The following NAV3 variants were observed in gnomAD, a reference collection of about 807,000 sequenced individuals.
NAV3 encodes pore membrane and/or filament interacting like protein 1.
In NAV3, 87 loss-of-function variants were observed where a neutral mutation model predicts 244.7. The observed-to-expected ratio is 0.36, with a 90% CI of 0.30 to 0.42. NAV3 has a LOEUF of 0.42. NAV3 is among the 20% of genes least tolerant of loss of function. NAV3 has a pLI of 1.00. For missense variants in NAV3, 2,663 were observed against 2,893.3 expected, an observed-to-expected ratio of 0.92 and a Z score of 1.83; for synonymous variants, 1,126 against 1,042.2, an observed-to-expected ratio of 1.08 and a Z score of -1.55.
intron 2 of NAV3, among the ~76,000 whole-genome samples, chr12:77,714,924 T>C (rs1876293638): frequency 6.6e-6 from 1 of 152,084 alleles, no homozygotes; most frequent in African/African-American, 2.4e-5. Context: ...ATTCACGAAG[T>C]ACCTTTACTT....
intron 1 of NAV3, among the ~76,000 whole-genome samples, chr12:77,903,459 G>C (rs1310131516): frequency 6.6e-6 from 1 of 152,072 alleles, no homozygotes; most frequent in Non-Finnish European, 1.5e-5. Flanking sequence ...AGCTGAAACT[G>C]GATCCCTTCC....
At chr12:77,929,423 A>G (rs1184848074) in intron 1 of NAV3, among the ~76,000 whole-genome samples, 8 of 152,116 alleles carry the variant, frequency 5.3e-5, no homozygotes, top group Non-Finnish European at 7.4e-5. Context: ...GTCTTTATTG[A>G]GTGTCTACTA....
chr12:77,982,082 T>C (rs148119813), intron 5 of NAV3, among the ~76,000 whole-genome samples: 7 of 152,326 alleles, frequency 4.6e-5, no homozygotes, highest in African/African-American at 1.7e-4. Context: ...CTGTTTTGCT[T>C]TGATAAATAT....
rs1056614831 is a variant in NAV3 at position 77,835,442 on chromosome 12, T to C, written c.243+3738T>C. Among the ~76,000 whole-genome samples the C allele has an allele frequency of 3.3e-5, 5 of 152,314 alleles. No individual in the cohort carries two copies. In the East Asian group the frequency reaches 9.7e-4, roughly 29 times the overall value. On this transcript the variant is annotated intron_variant, in intron 1 of 39. Transcript: ENST00000397909. ...ATGATCTGGTTTGAGAGAACAAATT[T>C]ACATATGACAGTGTCAGAAATGTGT... is the stretch of plus-strand genomic sequence containing the variant.
At chr12:77,996,182 T>A (rs1460740674) in intron 6 of NAV3, among the ~76,000 whole-genome samples, 1 of 152,222 alleles carries the variant, frequency 6.6e-6, no homozygotes, top group African/African-American at 2.4e-5. Context: ...TGTTTATGTG[T>A]GTGAGTTTGG....
At chr12:78,170,881 G>A (rs7975770) in intron 24 of NAV3, among the ~76,000 whole-genome samples, 16,876 of 151,634 alleles carry the variant, frequency 0.11, 1,137 homozygotes, top group South Asian at 0.19. Flanking sequence ...GTTTCTGGAA[G>A]CAGCAATACT....
Position 77,831,266 on chromosome 12 carries a change from A to C in NAV3, c.-196A>C, listed in dbSNP as rs1873646983. The C allele has an allele frequency of 5.8e-6, 3 of 519,870 alleles. No homozygotes were observed. The South Asian group carries it at 9.2e-5, about 16-fold the overall frequency. The allele number at this position is 519,870 out of a possible 1,614,324, so 32.2% of individuals were successfully genotyped here. A position where few individuals can be genotyped will look rare whatever the true frequency, so the allele number is the denominator to read the frequency against. On this transcript the variant is annotated 5_prime_UTR_variant, in exon 1 of 40. Coordinates refer to ENST00000397909, the MANE Select transcript of NAV3 (RefSeq NM_001024383.2). ...GAATGAATATGAATCCCAGCCAGCAAGAAAGAAAAGATACTTAACTAAAGA... is the reference window on the plus strand; with the variant it reads ...GAATGAATATGAATCCCAGCCAGCACGAAAGAAAAGATACTTAACTAAAGA...
At chr12:77,652,986 T>G (rs1045512260) in intron 2 of NAV3, among the ~76,000 whole-genome samples, 2 of 152,208 alleles carry the variant, frequency 1.3e-5, no homozygotes, top group African/African-American at 4.8e-5. Flanking sequence ...TCAATGGATG[T>G]TAATAGGGTT....
intron 2 of NAV3, among the ~76,000 whole-genome samples, chr12:77,699,155 TTGCAGGAC>T (rs1175250994): frequency 6.6e-6 from 1 of 152,116 alleles, no homozygotes; most frequent in African/African-American, 2.4e-5. Context: ...CCTAAGAATC[TTGCAGGAC>T]ATGAAGCAAT....
intron 2 of NAV3, among the ~76,000 whole-genome samples, chr12:77,577,402 G>T (rs948633108): frequency 6.6e-6 from 1 of 151,898 alleles, no homozygotes; most frequent in East Asian, 1.9e-4. Flanking sequence ...TTCATATGGC[G>T]GCCTTTTTGC....
In NAV3 at chr12:77,876,869, T is replaced by G. The variant is rs187561077; in HGVS notation, c.243+45165T>G. Among the ~76,000 whole-genome samples, 153 of 152,246 alleles carry G rather than the reference T, an allele frequency of 1.0e-3. 1 individual carries two copies. Among genetic ancestry groups the G allele is most frequent in the Middle Eastern group, 6.8e-3 (2 of 294 alleles). ...TTTTTATGTTTCTAATGAAAAGTTA[T>G]TTTTCCTCCCTCAGCTCTCTGTCAA... On this transcript the variant is annotated intron_variant, in intron 1 of 39. Coordinates refer to ENST00000397909, the MANE Select transcript of NAV3 (RefSeq NM_001024383.2).
intron 1 of NAV3, among the ~76,000 whole-genome samples, chr12:77,925,425 C>T (rs972659587): frequency 4.6e-5 from 7 of 152,024 alleles, no homozygotes; most frequent in Non-Finnish European, 8.8e-5. Context: ...TTTCCTTTAG[C>T]TAATATATTC....
intron 2 of NAV3, among the ~76,000 whole-genome samples, chr12:77,660,652 C>T (rs1873396632): frequency 2.6e-5 from 4 of 152,016 alleles, no homozygotes; most frequent in African/African-American, 9.7e-5. Context: ...TATATACAGA[C>T]ATGTTTAGGT....
At chr12:77,657,992 G>A (rs1358613966) in intron 2 of NAV3, among the ~76,000 whole-genome samples, 99 of 152,154 alleles carry the variant, frequency 6.5e-4, no homozygotes, top group African/African-American at 2.3e-3. Flanking sequence ...CAAACCCACA[G>A]CCAATATCAT....
In NAV3 at chr12:77,998,804, C is replaced by T. The variant is rs576184873; in HGVS notation, c.880+328C>T. Among the ~76,000 whole-genome samples the T allele has an allele frequency of 2.0e-5, 3 of 152,082 alleles. No individual in the cohort carries two copies. In the South Asian group the frequency reaches 6.2e-4, roughly 32 times the overall value. ...AAAATGTATCCTGAAATCATAAAGC[C>T]ATATTGAATTTATCTGAATCCTTAA... is the stretch of plus-strand genomic sequence containing the variant. On this transcript the variant is annotated intron_variant, in intron 7 of 39. Coordinates refer to ENST00000397909, the MANE Select transcript of NAV3 (RefSeq NM_001024383.2).
At chr12:77,578,894 C>T (rs74756108) in intron 2 of NAV3, among the ~76,000 whole-genome samples, 27,263 of 141,354 alleles carry the variant, frequency 0.19, 2,745 homozygotes, top group Admixed American at 0.27. Context: ...AACCTTTATT[C>T]TATTCGTTAA....
At chr12:77,859,758 C>CAA (rs61516625) in intron 1 of NAV3, among the ~76,000 whole-genome samples, 1,303 of 68,448 alleles carry the variant, frequency 0.019, 59 homozygotes, top group African/African-American at 0.044. Flanking sequence ...CTTTCAAATG[C>CAA]AAAAAAAAAA....
At chr12:77,948,677 A>C (rs1890589774) in intron 3 of NAV3, among the ~76,000 whole-genome samples, 1 of 111,798 alleles carries the variant, frequency 8.9e-6, no homozygotes, top group Admixed American at 8.8e-5. Context: ...TTCTTTTTCA[A>C]TTGCCCCCCC....
rs71440485 is a variant in NAV3 at position 77,614,074 on chromosome 12, CTTTT to C, written c.72+41832_72+41835del. Reference sequence around the variant, plus strand: ...GACTTTGCCTTTCTTTTCTTTCTCTCTTTTTTTTTTTTTTTTTTTTTTTTTTTAA... The same window carrying C: ...GACTTTGCCTTTCTTTTCTTTCTCTCTTTTTTTTTTTTTTTTTTTTTTTAA... On this transcript the variant is annotated intron_variant, in intron 2 of 8. Transcript: ENST00000550042. Among the ~76,000 whole-genome samples the C allele has an allele frequency of 6.2e-3, 594 of 95,638 alleles. 1 individual carries two copies. The highest frequency in any genetic ancestry group is 6.9e-3 in the Middle Eastern group (1 of 144). 62.7% of individuals were successfully genotyped at this position (95,638 alleles called of 152,430 possible).
Sources: allele counts gnomAD v4.1 joint callset (sites outside exome capture counted in the v4.1 genomes callset), GRCh38; gene constraint gnomAD v4.1.1; transcripts MANE v1.5; gene names NCBI Gene and HGNC (gene_info 2026-07-23, HGNC 2026-07-21).